CCDC93: variants seen among roughly 807,000 people sequenced by gnomAD.
CCDC93 encodes the protein CCC complex scaffolding subunit CCDC93.
CCDC93 carries 61 observed loss-of-function variants against 108.2 expected under a neutral mutation model. The ratio of observed to expected loss-of-function variants is 0.56; its 90% CI spans 0.46 to 0.70. The LOEUF (loss-of-function observed/expected upper bound fraction) is 0.70, where lower values mean the gene tolerates loss of function less well. Ranked by LOEUF, CCDC93 falls within the 30% of genes least tolerant of loss-of-function variation. The pLI is 0.00. For synonymous variants in CCDC93, 276 were observed against 260.4 expected (o/e 1.06, Z -0.58); for missense variants, 685 against 764.2 (o/e 0.90, Z 1.22).
At chr2:117,944,882 C>A in intron 17 of CCDC93, 1 of 460,048 alleles carries the variant, frequency 2.2e-6, no homozygotes, top group Non-Finnish European at 4.5e-6. Flanking sequence ...CTTTCCTCCA[C>A]TTCCTTTCCT....
At position 117,949,409 on chromosome 2, in the gene CCDC93, T is replaced by G; in HGVS notation, c.1069-14A>C. 6.3e-7 allele frequency: 1 copy of G among 1,599,670 alleles called. No individual in the cohort carries two copies. The highest frequency in any genetic ancestry group is 8.6e-7 in the Non-Finnish European group (1 of 1,167,082). ...GTAAGTCTTCAGCTGCAAGAGAGAA[T>G]GAAGACATGGTTGCTGGAGCCTTGG... On this transcript the variant is annotated splice_polypyrimidine_tract_variant and intron_variant, in intron 13 of 23. Transcript: ENST00000376300.
intron 6 of CCDC93, among the ~76,000 whole-genome samples, chr2:117,990,362 A>T (rs1408415701): frequency 6.6e-6 from 1 of 152,240 alleles, no homozygotes; most frequent in Non-Finnish European, 1.5e-5. Context: ...TAGGGAGAAG[A>T]AAGTAATGCA....
chr2:117,962,944 T>G (rs1679441674), intron 11 of CCDC93, among the ~76,000 whole-genome samples: 1 of 152,330 alleles, frequency 6.6e-6, no homozygotes, highest in African/African-American at 2.4e-5. Context: ...AGATTGGACC[T>G]CATGCAGTTC....
At chr2:117,957,368 A>G (rs931939484) in intron 12 of CCDC93, among the ~76,000 whole-genome samples, 2 of 152,164 alleles carry the variant, frequency 1.3e-5, no homozygotes, top group Non-Finnish European at 2.9e-5. Flanking sequence ...AAACAGTCTC[A>G]TATCACCAGG....
chr2:117,975,517 T>C (rs1036381630), intron 8 of CCDC93, among the ~76,000 whole-genome samples: 4 of 152,202 alleles, frequency 2.6e-5, no homozygotes, highest in Non-Finnish European at 5.9e-5. Flanking sequence ...CTGATTAAAT[T>C]CAGGCCACAC....
chr2:117,928,882 T>C (rs1296445239), intron 23 of CCDC93, among the ~76,000 whole-genome samples: 1 of 152,106 alleles, frequency 6.6e-6, no homozygotes, highest in Non-Finnish European at 1.5e-5. Flanking sequence ...AATGATAGAC[T>C]GGATTAAGAA....
Position 117,920,248 on chromosome 2 carries a change from C to CTCTACTG in CCDC93, c.*88_*94dup, listed in dbSNP as rs1338713053. Reference sequence around the variant, plus strand: ...TGTTGAAATCATCACAACTGCATCTCTCTACTGTCGCTTTCAGAACCATTT... The same window carrying CTCTACTG: ...TGTTGAAATCATCACAACTGCATCTCTCTACTGTCTACTGTCGCTTTCAGAACCATTT... On this transcript the variant is annotated 3_prime_UTR_variant, in exon 24 of 24. Coordinates refer to ENST00000376300, the MANE Select transcript of CCDC93 (RefSeq NM_019044.5). 3.9e-6 allele frequency: 3 copies of CTCTACTG among 775,606 alleles called. No individual in the cohort carries two copies. In the African/African-American group the frequency reaches 5.1e-5, roughly 13 times the overall value. 48.0% of individuals were successfully genotyped at this position (775,606 alleles called of 1,614,324 possible).
chr2:117,947,381 T>C (rs1678906549), intron 15 of CCDC93, among the ~76,000 whole-genome samples: 1 of 152,118 alleles, frequency 6.6e-6, no homozygotes, highest in Non-Finnish European at 1.5e-5. Context: ...TCATTTCCTA[T>C]CTCACACTAG....
chr2:117,920,366 T>C lies in CCDC93; in HGVS notation c.1873A>G (p.Lys625Glu). The C allele has an allele frequency of 1.9e-6, 3 of 1,613,452 alleles. No individual in the cohort carries two copies. The highest frequency in any genetic ancestry group is 2.5e-6 in the Non-Finnish European group (3 of 1,179,486). ...EGRKNEMLLS[K>E]VKAKAS ...GTTCAGGAGGCCTTCGCTTTCACCT[T>C]GGACAGCAGCATCTCGTTCTTGCGG... Residue 625 changes from lysine (K) to glutamate (E), a missense_variant, in exon 24 of 24, where the codon AAG becomes GAG. Physicochemically the swap from Lys to Glu is moderately conservative, Grantham distance 56. Coordinates refer to ENST00000376300, the MANE Select transcript of CCDC93 (RefSeq NM_019044.5).
chr2:118,010,615 C>T (rs1394564402), intron 1 of CCDC93, among the ~76,000 whole-genome samples: 2 of 152,086 alleles, frequency 1.3e-5, no homozygotes, highest in Admixed American at 6.5e-5. Context: ...TTGTTTTGCT[C>T]ATCCCTTCCT....
chr2:118,004,357 T>C (rs572092987), intron 3 of CCDC93, among the ~76,000 whole-genome samples: 6 of 152,234 alleles, frequency 3.9e-5, no homozygotes, highest in South Asian at 2.1e-4. Context: ...CAGAAGAAGA[T>C]AGAAGTAGAG....
chr2:117,931,189 G>A, intron 22 of CCDC93, 39 bp from the exon 23 acceptor site: 1 of 1,456,854 alleles, frequency 6.9e-7, no homozygotes, highest in Non-Finnish European at 9.6e-7. Context: ...GAAAAGACAT[G>A]TTCTGCCCAA....
At position 117,931,020 on chromosome 2, in the gene CCDC93, C is replaced by T. The variant is rs2288104; in HGVS notation, c.1842+17G>A. ...ATCTCACGTTAGCCTTAATGTGCTA[C>T]CCAGCCTTCCTCTTACCTCCTTGAA... On this transcript the variant is annotated intron_variant, in intron 23 of 23. Coordinates refer to ENST00000376300, the MANE Select transcript of CCDC93 (RefSeq NM_019044.5). 2.6e-3 allele frequency: 4,031 copies of T among 1,522,814 alleles called. 165 individuals are homozygous for T. In the East Asian group the frequency reaches 0.08, roughly 30 times the overall value. 94.3% of individuals were successfully genotyped at this position (1,522,814 alleles called of 1,614,324 possible). A position where few individuals can be genotyped will look rare whatever the true frequency, so the allele number is the denominator to read the frequency against.
rs542191638 is a variant in CCDC93, at chr2:117,977,159, C to T, written c.657+835G>A. On this transcript the variant is annotated intron_variant, in intron 8 of 23. Coordinates refer to ENST00000376300, the MANE Select transcript of CCDC93 (RefSeq NM_019044.5). Reference sequence around the variant, plus strand: ...TTCACCGTGTTAGCCAGGACGGTCTCGATCTCCTGACAATAACTGAACTTT... The same window carrying T: ...TTCACCGTGTTAGCCAGGACGGTCTTGATCTCCTGACAATAACTGAACTTT... Among the ~76,000 whole-genome samples the T allele has an allele frequency of 3.9e-5, 6 of 152,124 alleles. No homozygotes were observed. The South Asian group carries it at 1.2e-3, about 32-fold the overall frequency.
At chr2:117,944,721 T>TA (rs1316303618) in intron 17 of CCDC93, 7 of 470,984 alleles carry the variant, frequency 1.5e-5, no homozygotes, top group South Asian at 1.1e-4. Flanking sequence ...CACACCCCCC[T>TA]ACCCAACGCA....
chr2:117,945,559 A>C lies in CCDC93; in HGVS notation c.1320T>G (p.Pro440=). 6.2e-7 allele frequency: 1 copy of C among 1,614,030 alleles called. No individual in the cohort carries two copies. The change falls in exon 17 of 24, where the codon CCT becomes CCG. Residue 440 remains proline (P), a synonymous_variant. Transcript: ENST00000376300. ...DEKTLSSGEP[P]GTLTSAMTHD... ...GAGTCATTGCAGAGGTCAAGGTACC[A>C]GGCGGCTCTCCACTGGAGAGGGTCT...
chr2:117,924,221 C>T (rs771622119), intron 23 of CCDC93, among the ~76,000 whole-genome samples: 86 of 152,126 alleles, frequency 5.7e-4, no homozygotes, highest in African/African-American at 1.9e-3. Flanking sequence ...AATCAGAGTG[C>T]CTCTCCTCCT....
intron 23 of CCDC93, among the ~76,000 whole-genome samples, chr2:117,921,058 T>C (rs1257137002): frequency 1.3e-5 from 2 of 151,296 alleles, no homozygotes; most frequent in African/African-American, 2.4e-5. Flanking sequence ...GCGCCTGTAG[T>C]CCCAGCTACT....
intron 12 of CCDC93, among the ~76,000 whole-genome samples, chr2:117,953,728 CAAAA>C (rs11310138): frequency 1.5e-5 from 2 of 132,248 alleles, no homozygotes. Context: ...CTGCTGTCTC[CAAAA>C]AAAAAAAAAA....
Sources: gnomAD v4.1 joint callset for allele counts (sites outside exome capture counted in the v4.1 genomes callset) on GRCh38, gnomAD v4.1.1 for gene constraint, MANE v1.5 for transcripts, NCBI Gene and HGNC (gene_info 2026-07-23, HGNC 2026-07-21) for gene names.